RNF212B: variants seen among roughly 807,000 people sequenced by gnomAD.
RNF212B encodes ring finger protein 212B, also known as E3 ubiquitin-protein ligase RNF212B.
Under a neutral mutation model 55.5 loss-of-function variants are expected in RNF212B, and 52 were observed. The observed-to-expected ratio is 0.94, with a 90% confidence interval of 0.75 to 1.18. The LOEUF (loss-of-function observed/expected upper bound fraction) is 1.18. RNF212B is among the 50% of genes most tolerant of loss of function. The pLI is 0.00. For missense variants in RNF212B, 289 were observed against 350.4 expected, an observed-to-expected ratio of 0.82 and a Z score of 1.40; for synonymous variants, 99 against 121.4, an observed-to-expected ratio of 0.82 and a Z score of 1.21.
intron 2 of RNF212B, among the ~76,000 whole-genome samples, chr14:23,222,018 G>A (rs796546106): frequency 3.3e-5 from 5 of 152,212 alleles, no homozygotes; most frequent in African/African-American, 1.2e-4. Context: ...ATAGCTATAA[G>A]TGTCTACATC....
intron 2 of RNF212B, 29 bp from the exon 3 acceptor site, chr14:23,243,227 C>G (rs1309723632): frequency 6.5e-7 from 1 of 1,539,642 alleles, no homozygotes; most frequent in African/African-American, 1.4e-5. Context: ...CTCATGAGAG[C>G]CAAATATTTT....
At chr14:23,188,186 C>A (rs899760268) in intron 1 of RNF212B, 2 of 152,156 alleles carry the variant, frequency 1.3e-5, no homozygotes, top group African/African-American at 4.8e-5. Flanking sequence ...CTTGCTCTGA[C>A]ACCAGAGACA....
chr14:23,252,856 T>A (rs531816995), intron 4 of RNF212B, among the ~76,000 whole-genome samples: 2 of 152,212 alleles, frequency 1.3e-5, no homozygotes, highest in African/African-American at 4.8e-5. Flanking sequence ...ACAATGAGGA[T>A]GCAAATGGTC....
intron 2 of RNF212B, among the ~76,000 whole-genome samples, chr14:23,224,547 A>G (rs967595922): frequency 2.6e-5 from 4 of 150,948 alleles, no homozygotes; most frequent in African/African-American, 9.7e-5. Flanking sequence ...CTTGATGTCC[A>G]TATGCAAAAG....
chr14:23,231,840 C>T (rs978275572), intron 2 of RNF212B, among the ~76,000 whole-genome samples: 13 of 152,374 alleles, frequency 8.5e-5, no homozygotes, highest in Non-Finnish European at 1.5e-4. Context: ...GGGGGTTTCG[C>T]TGTGTTGGCC....
intron 2 of RNF212B, among the ~76,000 whole-genome samples, chr14:23,221,189 C>T (rs371870911): frequency 6.8e-5 from 10 of 147,546 alleles, no homozygotes; most frequent in South Asian, 2.1e-4. Flanking sequence ...GAGTTTGAGA[C>T]GAGCCTGGCC....
intron 14 of RNF212B, among the ~76,000 whole-genome samples, chr14:23,272,271 T>C (rs1886154825): frequency 1.3e-5 from 2 of 152,036 alleles, no homozygotes; most frequent in African/African-American, 2.4e-5. Context: ...GTACAAAAAA[T>C]TAGCCGGGCA....
chr14:23,229,467 T>G (rs1224498097), intron 2 of RNF212B, among the ~76,000 whole-genome samples: 1 of 151,732 alleles, frequency 6.6e-6, no homozygotes, highest in African/African-American at 2.4e-5. Context: ...AGCCACCAAA[T>G]TGCTTTCCAA....
Position 23,232,245 on chromosome 14 carries a change from C to A in RNF212B, c.-1-8100C>A, listed in dbSNP as rs546356647. 6.3e-3 allele frequency among the ~76,000 whole-genome samples: 944 copies of A among 150,480 alleles called. 10 individuals carry two copies. Among genetic ancestry groups the A allele is most frequent in the African/African-American group, 0.022 (887 of 40,908 alleles). ...ATCGTCTGAGATGTGGGGAGCGCCTCTGCCCCGCCGCCCCATCTGGGATGT... is the reference window on the plus strand; with the variant it reads ...ATCGTCTGAGATGTGGGGAGCGCCTATGCCCCGCCGCCCCATCTGGGATGT... On this transcript the variant is annotated intron_variant, in intron 2 of 15. Coordinates refer to the RNF212B transcript ENST00000399910.
intron 1 of RNF212B, among the ~76,000 whole-genome samples, chr14:23,239,126 C>T (rs940358988): frequency 1.3e-5 from 2 of 152,094 alleles, no homozygotes; most frequent in Admixed American, 6.5e-5. Flanking sequence ...TGCAGTGGCA[C>T]GATCTTGGCT....
intron 5 of RNF212B, among the ~76,000 whole-genome samples, 156 bp downstream of exon 5, chr14:23,258,820 A>AT (rs147247905): frequency 0.014 from 2,074 of 149,426 alleles, 54 homozygotes; most frequent in African/African-American, 0.048. Flanking sequence ...CTGAATCTCC[A>AT]TTTTTTCTCT....
Position 23,264,106 on chromosome 14 carries a change from AAAC to A in RNF212B, c.525-59_525-57del, listed in dbSNP as rs1186784579. 1.6e-5 allele frequency: 22 copies of A among 1,344,576 alleles called. No individual in the cohort carries two copies. In the East Asian group the frequency reaches 3.0e-4, roughly 19 times the overall value. The allele number at this position is 1,344,576 out of a possible 1,614,324, so 83.3% of individuals were successfully genotyped here. On this transcript the variant is annotated intron_variant, in intron 9 of 14. Transcript: ENST00000430154. Reference sequence around the variant, plus strand: ...CTGTCTGAAAAAAACCAAAACAAAAAAACAACAACAATAAAAAGTAAAACTAGG... The same window carrying A: ...CTGTCTGAAAAAAACCAAAACAAAAAAACAACAATAAAAAGTAAAACTAGG...
chr14:23,270,704 C>T (rs1281629818), intron 14 of RNF212B, 43 bp downstream of exon 14: 21 of 1,348,220 alleles, frequency 1.6e-5, no homozygotes, highest in Non-Finnish European at 2.2e-5. Context: ...TAAAATCTCA[C>T]ATGGTTAGGC....
chr14:23,247,080 C>T (rs1219514595), intron 4 of RNF212B, among the ~76,000 whole-genome samples: 4 of 150,656 alleles, frequency 2.7e-5, no homozygotes, highest in South Asian at 4.2e-4. Flanking sequence ...GTGGAGACTG[C>T]GGTGAGCCAA....
upstream of RNF212B, among the ~76,000 whole-genome samples, chr14:23,236,551 C>A (rs35253799): frequency 0.14 from 22,024 of 151,950 alleles, 1,787 homozygotes; most frequent in Non-Finnish European, 0.18. Flanking sequence ...AGCAAAAAAA[C>A]CCCAAACAAC....
In RNF212B at chr14:23,219,461, CCTT is replaced by C. The variant is rs201288815; in HGVS notation, c.-1-20878_-1-20876del. Reference sequence around the variant, plus strand: ...GAAAGAAGTTGAAGTGTAGCGCTCTCCTTCTTCTCCTTCTAGTTTTTTTTTTTT... The same window carrying C: ...GAAAGAAGTTGAAGTGTAGCGCTCTCCTTCTCCTTCTAGTTTTTTTTTTTT... On this transcript the variant is annotated intron_variant, in intron 2 of 15. Coordinates refer to the RNF212B transcript ENST00000399910. Among the ~76,000 whole-genome samples, 54 of 147,732 alleles carry C rather than the reference CCTT, an allele frequency of 3.7e-4. 2 individuals are homozygous for C. In the East Asian group the frequency reaches 6.5e-3, roughly 18 times the overall value.
intron 9 of RNF212B, 117 bp from the exon 10 acceptor site, chr14:23,264,057 T>C: frequency 1.4e-6 from 1 of 731,558 alleles, no homozygotes. Context: ...CATTGTGCTC[T>C]AGCCTGGGCA....
At chr14:23,263,961 G>C (rs544535250) in intron 9 of RNF212B, among the ~76,000 whole-genome samples, 186 of 152,074 alleles carry the variant, frequency 1.2e-3, no homozygotes, top group African/African-American at 4.3e-3. Flanking sequence ...GGTGGTGCAC[G>C]CCTGTAGTCC....
intron 2 of RNF212B, among the ~76,000 whole-genome samples, chr14:23,214,767 A>G (rs1880907494): frequency 6.6e-6 from 1 of 151,416 alleles, no homozygotes; most frequent in African/African-American, 2.4e-5. Context: ...GTAGTCCCAG[A>G]AAAAGAGGAG....
Sources: allele counts gnomAD v4.1 joint callset (sites outside exome capture counted in the v4.1 genomes callset), GRCh38; gene constraint gnomAD v4.1.1; transcripts MANE v1.5; gene names NCBI Gene and HGNC (gene_info 2026-07-23, HGNC 2026-07-21).